Variants in HP observed in about 807,000 individuals in gnomAD.
HP encodes the protein haptoglobin, also known as haptoglobin alpha(1S)-beta.
A neutral mutation model predicts 23.2 loss-of-function variants in HP; 9 were observed. That is an observed-to-expected ratio of 0.39 (90% CI 0.23 to 0.68). The LOEUF (loss-of-function observed/expected upper bound fraction) is 0.68, where lower values mean the gene tolerates loss of function less well. HP is among the 30% of genes least tolerant of loss of function. The pLI is 0.47. For missense variants in HP, 433 were observed against 483.6 expected (o/e 0.90, Z 0.98); for synonymous variants, 155 against 183.3 (o/e 0.85, Z 1.25).
In HP at chr16:72,055,922, G is replaced by C. The variant is rs574300769; in HGVS notation, c.6-239G>C. 5 of 644,250 alleles carry C rather than the reference G, an allele frequency of 7.8e-6. No homozygotes were observed. The East Asian group carries it at 1.9e-4, about 25-fold the overall frequency. 39.9% of individuals were successfully genotyped at this position (644,250 alleles called of 1,614,324 possible). ...TTCTGCAGAATTCCCAGCAGGACAG[G>C]GCTTGCTGGAAGCTTGGTATGCTCA... On this transcript the variant is annotated intron_variant, in intron 1 of 6. Transcript: ENST00000355906.
At position 72,060,309 on chromosome 16, in the gene HP, GC is replaced by G; in HGVS notation, c.641del (p.Ala214GlyfsTer8). The G allele has an allele frequency of 1.2e-6, 2 of 1,614,088 alleles. No individual in the cohort carries two copies. Among genetic ancestry groups the G allele is most frequent in the Non-Finnish European group, 8.5e-7 (1 of 1,180,006 alleles). On this transcript the variant is annotated frameshift_variant, in exon 7 of 7. Transcript: ENST00000355906. LOFTEE classifies it high-confidence loss of function. The part of the protein sequence containing the change: ...LFLNHSENAT[A>X]KDIAPTLTLY... ...CCTGAACCATTCAGAAAATGCAACA[GC>G]GAAAGACATTGCCCCTACTTTAACA...
Position 72,060,378 on chromosome 16 carries a change from G to A in HP, c.709G>A (p.Val237Ile). ...GCAGCTTGTAGAGATTGAGAAGGTT[G>A]TTCTACACCCTAACTACTCCCAGGT... is the stretch of plus-strand genomic sequence containing the variant. ...KKQLVEIEKV[V>I]LHPNYSQVDI... Residue 237 changes from valine to isoleucine, a missense_variant, in exon 7 of 7, where the codon GTT becomes ATT. Physicochemically the swap from Val to Ile is conservative, Grantham distance 29. This residue lies in a region of HP where 326 missense variants were observed against 358.1 expected (regional missense o/e 0.91). Transcript: ENST00000355906. The A allele has an allele frequency of 1.2e-6, 2 of 1,614,158 alleles. No homozygotes were observed. The highest frequency in any genetic ancestry group is 1.7e-6 in the Non-Finnish European group (2 of 1,180,040).
chr16:72,057,567 G>C (rs2144043606), intron 4 of HP, 101 bp downstream of exon 4: 2 of 525,068 alleles, frequency 3.8e-6, no homozygotes, highest in East Asian at 6.7e-5. Context: ...GAGCACACAA[G>C]AGCCAGGAGG....
chr16:72,059,469 C>G (rs148076494), intron 6 of HP: 56 of 522,266 alleles, frequency 1.1e-4, no homozygotes, highest in Non-Finnish European at 1.5e-4. Context: ...CTAGAGAGCC[C>G]TGGGTCTAAG....
rs770720685 is a variant in HP at position 72,056,167 on chromosome 16, G to A, written c.12G>A (p.Leu4=). The A allele has an allele frequency of 2.4e-5, 38 of 1,613,668 alleles. No individual in the cohort carries two copies. Among genetic ancestry groups the A allele is most frequent in the Non-Finnish European group, 2.5e-5 (29 of 1,179,860 alleles). Reference sequence around the variant, plus strand: ...CCTTGTCTTCTCTCTGCAGTGCCCTGGGAGCTGTCATTGCCCTCCTGCTCT... The same window carrying A: ...CCTTGTCTTCTCTCTGCAGTGCCCTAGGAGCTGTCATTGCCCTCCTGCTCT... MSA[L]GAVIALLLWG... Residue 4 remains leucine, a synonymous_variant, in exon 2 of 7, where the codon CTG becomes CTA. Coordinates refer to ENST00000355906, the MANE Select transcript of HP (RefSeq NM_005143.5).
Position 72,060,651 on chromosome 16 carries a change from G to C in HP, c.982G>C (p.Val328Leu). Residue 328 changes from valine to leucine, a missense_variant, in exon 7 of 7, where the codon GTA becomes CTA. Val to Leu is a conservative substitution (Grantham distance 32, BLOSUM62 1). Transcript: ENST00000355906. ...CGAAAAGAAGACACCGAAGAGCCCTGTAGGGGTGCAGCCCATACTGAATGA... is the reference window on the plus strand; with the variant it reads ...CGAAAAGAAGACACCGAAGAGCCCTCTAGGGGTGCAGCCCATACTGAATGA... ...VPEKKTPKSPVGVQPILNEHT... is the reference protein window; with the variant it reads ...VPEKKTPKSPLGVQPILNEHT... 2 of 1,614,190 alleles carry C rather than the reference G, an allele frequency of 1.2e-6. No homozygotes were observed. The highest frequency in any genetic ancestry group is 1.7e-6 in the Non-Finnish European group (2 of 1,180,038).
Position 72,060,517 on chromosome 16 carries a change from G to A in HP, c.848G>A (p.Gly283Asp). 6.2e-7 allele frequency: 1 copy of A among 1,614,170 alleles called. No individual in the cohort carries two copies. The highest frequency in any genetic ancestry group is 8.5e-7 in the Non-Finnish European group (1 of 1,180,038). Residue 283 changes from glycine (G) to aspartate (D), a missense_variant, in exon 7 of 7, where the codon GGC becomes GAC. Physicochemically the swap from Gly to Asp is moderately conservative, Grantham distance 94 (BLOSUM62 -1). Coordinates refer to ENST00000355906, the MANE Select transcript of HP (RefSeq NM_005143.5). ...GTAGGGCGTGTGGGTTATGTTTCTGGCTGGGGGCGAAATGCCAATTTTAAA... is the reference window on the plus strand; with the variant it reads ...GTAGGGCGTGTGGGTTATGTTTCTGACTGGGGGCGAAATGCCAATTTTAAA... ...AEVGRVGYVS[G>D]WGRNANFKFT...
rs910782845 is a variant in HP at position 72,056,145 on chromosome 16, T to A, written c.6-16T>A. The stretch of plus-strand genomic sequence containing the variant: ...GGGAGACTAGCTTTCCACTCCTCCT[T>A]GTCTTCTCTCTGCAGTGCCCTGGGA... On this transcript the variant is annotated splice_polypyrimidine_tract_variant and intron_variant, in intron 1 of 6. Coordinates refer to ENST00000355906, the MANE Select transcript of HP (RefSeq NM_005143.5). 1.9e-6 allele frequency: 3 copies of A among 1,611,894 alleles called. No individual in the cohort carries two copies. Among genetic ancestry groups the A allele is most frequent in the Non-Finnish European group, 2.5e-6 (3 of 1,178,562 alleles).
chr16:72,056,283 A>G, intron 2 of HP, 40 bp downstream of exon 2: 1 of 1,594,854 alleles, frequency 6.3e-7, no homozygotes, highest in Non-Finnish European at 8.6e-7. Context: ...TCCCACTCTG[A>G]CCCTCTCGGG....
chr16:72,060,029 C>T lies in HP; in HGVS notation c.443-83C>T, dbSNP rs184271039. 16 of 1,589,244 alleles carry T rather than the reference C, an allele frequency of 1.0e-5. No individual in the cohort carries two copies. In the African/African-American group the frequency reaches 1.9e-4, roughly 19 times the overall value. ...ATCTTTCTACTTTACGCAGCAGTGA[C>T]AGCCGCCCATGCTTTCACCCCTTTC... On this transcript the variant is annotated intron_variant, in intron 6 of 6. Transcript: ENST00000355906.
chr16:72,054,765 C>T (rs2041432497), intron 1 of HP, 108 bp downstream of exon 1: 1 of 1,581,272 alleles, frequency 6.3e-7, no homozygotes, highest in Non-Finnish European at 8.6e-7. Context: ...GGCAAATGGG[C>T]TAAATTATAG....
intron 1 of HP, chr16:72,055,885 C>T (rs2041451422): frequency 6.2e-6 from 3 of 486,804 alleles, no homozygotes; most frequent in Non-Finnish European, 1.1e-5. Flanking sequence ...CCTTTCTATC[C>T]CTCTCTGAAG....
intron 6 of HP, 176 bp downstream of exon 6, chr16:72,059,364 C>T: frequency 2.2e-6 from 2 of 908,776 alleles, no homozygotes; most frequent in Non-Finnish European, 3.4e-6. Flanking sequence ...TAAGGGTCAC[C>T]AAGGGTCTTG....
At chr16:72,055,450 T>G (rs761293601) in intron 1 of HP, 9 of 158,426 alleles carry the variant, frequency 5.7e-5, no homozygotes, top group African/African-American at 2.2e-4. Flanking sequence ...GAAACTATTT[T>G]AATAGAAGCA....
In HP at chr16:72,056,196, G is replaced by T. The variant is rs202238563; in HGVS notation, c.41G>T (p.Gly14Val). 1.9e-6 allele frequency: 3 copies of T among 1,613,908 alleles called. No homozygotes were observed. ...LGAVIALLLW[G>V]QLFAVDSGND... ...GCTGTCATTGCCCTCCTGCTCTGGG[G>T]ACAGCTTTTTGCAGTGGACTCAGGC... Residue 14 changes from glycine to valine, a missense_variant, in exon 2 of 7, where the codon GGA becomes GTA. Coordinates refer to ENST00000355906, the MANE Select transcript of HP (RefSeq NM_005143.5).
chr16:72,054,865 T>G, intron 1 of HP: 3 of 864,476 alleles, frequency 3.5e-6, no homozygotes, highest in Non-Finnish European at 5.4e-6. Flanking sequence ...TAAGATTTAC[T>G]CTCAGGAGTG....
Position 72,060,499 on chromosome 16 carries a change from G to A in HP, c.830G>A (p.Arg277His), listed in dbSNP as rs200200966. The change falls in exon 7 of 7, where the codon CGT becomes CAT. Residue 277 changes from arginine (R) to histidine (H), a missense_variant. Arg to His is a conservative substitution (Grantham distance 29, BLOSUM62 0). This residue lies in a region of HP where 326 missense variants were observed against 358.1 expected (regional missense o/e 0.91). Coordinates refer to ENST00000355906, the MANE Select transcript of HP (RefSeq NM_005143.5). ...TCAAAGGATTATGCAGAAGTAGGGC[G>A]TGTGGGTTATGTTTCTGGCTGGGGG... ...LPSKDYAEVG[R>H]VGYVSGWGRN... 192 of 1,614,160 alleles carry A rather than the reference G, an allele frequency of 1.2e-4. 1 individual carries two copies. The African/African-American group carries it at 1.5e-3, about 12-fold the overall frequency.
At chr16:72,056,000 C>T in intron 1 of HP, 161 bp from the exon 2 acceptor site, 2 of 1,275,934 alleles carry the variant, frequency 1.6e-6, no homozygotes, top group Non-Finnish European at 2.2e-6. Context: ...TTGGTCCTAG[C>T]ACTTCCATAT....
At chr16:72,057,195 T>C (rs2043732857) in intron 3 of HP, 197 bp from the exon 4 acceptor site, 1 of 675,732 alleles carries the variant, frequency 1.5e-6, no homozygotes, top group Non-Finnish European at 2.6e-6. Flanking sequence ...TCTGCTGGGC[T>C]TAACTGGTGT....
Sources: gnomAD v4.1 joint callset for allele counts on GRCh38, gnomAD v4.1.1 for gene constraint, gnomAD v4.1.1 regional missense constraint, MANE v1.5 for transcripts, NCBI Gene and HGNC (gene_info 2026-07-23, HGNC 2026-07-21) for gene names.